Variants in PRKAG2 observed in about 807,000 individuals in gnomAD.
PRKAG2 encodes 5'-AMP-activated protein kinase subunit gamma-2.
A neutral mutation model predicts 69.6 loss-of-function variants in PRKAG2; 26 were observed. The ratio of observed to expected loss-of-function variants is 0.37; its 90% CI spans 0.27 to 0.52. The LOEUF is 0.52. Among genes scored for constraint, PRKAG2 ranks in the 20% least tolerant of loss-of-function variants. The pLI, the probability that PRKAG2 is intolerant of heterozygous loss-of-function variation, is 0.90. For synonymous variants in PRKAG2, 293 were observed against 285.0 expected (o/e 1.03, Z -0.28); for missense variants, 557 against 740.0 (o/e 0.75, Z 2.87).
chr7:151,739,522 T>C (rs1461159531), intron 3 of PRKAG2, among the ~76,000 whole-genome samples: 2 of 151,998 alleles, frequency 1.3e-5, no homozygotes, highest in Non-Finnish European at 2.9e-5. Context: ...CAGGCTGGAG[T>C]GCAATGGCAC....
chr7:151,613,116 G>A (rs903300001), intron 5 of PRKAG2, among the ~76,000 whole-genome samples: 2 of 152,170 alleles, frequency 1.3e-5, no homozygotes, highest in Admixed American at 6.5e-5. Flanking sequence ...AGCTACCTGC[G>A]GCACTCTAAG....
chr7:151,566,253 A>G (rs868469796), intron 11 of PRKAG2, among the ~76,000 whole-genome samples: 3 of 152,320 alleles, frequency 2.0e-5, no homozygotes, highest in African/African-American at 7.2e-5. Context: ...TGTTCATGTT[A>G]AATTCCTGGT....
intron 4 of PRKAG2, among the ~76,000 whole-genome samples, chr7:151,642,661 C>T (rs1272998828): frequency 6.6e-6 from 1 of 152,240 alleles, no homozygotes; most frequent in African/African-American, 2.4e-5. Context: ...CCCTAACATT[C>T]ATGATTTCTT....
intron 3 of PRKAG2, chr7:151,734,247 C>G (rs1563551973): frequency 6.6e-6 from 1 of 152,192 alleles, no homozygotes; most frequent in East Asian, 1.9e-4. Flanking sequence ...TTTAGATTTA[C>G]CTTTTTCTTT....
At position 151,863,057 on chromosome 7, in the gene PRKAG2, C is replaced by T. The variant is rs117552417; in HGVS notation, c.114+13450G>A. On this transcript the variant is annotated intron_variant, in intron 1 of 15. Transcript: ENST00000287878. ...CTTGTAGGTCCTGGGGTGCAGGGGGCGCTGGTAGATCCCTGGGTGCAGGGG... is the reference window on the plus strand; with the variant it reads ...CTTGTAGGTCCTGGGGTGCAGGGGGTGCTGGTAGATCCCTGGGTGCAGGGG... Among the ~76,000 whole-genome samples the T allele has an allele frequency of 5.6e-5, 8 of 143,356 alleles. No individual in the cohort carries two copies. The South Asian group carries it at 9.1e-4, about 16-fold the overall frequency. 94.0% of individuals were successfully genotyped at this position (143,356 alleles called of 152,430 possible).
chr7:151,822,250 G>A (rs897464945), intron 1 of PRKAG2, among the ~76,000 whole-genome samples: 1 of 152,032 alleles, frequency 6.6e-6, no homozygotes, highest in Non-Finnish European at 1.5e-5. Context: ...GCCCTAGGAG[G>A]CCTCGAGCCC....
chr7:151,705,166 C>T (rs1237836267), intron 3 of PRKAG2, among the ~76,000 whole-genome samples: 1 of 152,146 alleles, frequency 6.6e-6, no homozygotes, highest in Admixed American at 6.6e-5. Flanking sequence ...TGAACAGAGG[C>T]CTGGTGTCTG....
intron 3 of PRKAG2, among the ~76,000 whole-genome samples, chr7:151,702,896 G>A (rs1837961050): frequency 1.3e-5 from 2 of 152,168 alleles, no homozygotes; most frequent in South Asian, 4.1e-4. Context: ...AGAAGCTGGG[G>A]GTGATACCTC....
At chr7:151,678,254 C>T (rs1327603317) in intron 3 of PRKAG2, among the ~76,000 whole-genome samples, 1 of 152,250 alleles carries the variant, frequency 6.6e-6, no homozygotes, top group East Asian at 1.9e-4. Flanking sequence ...CCTCTCCCCA[C>T]CAAGATCTAC....
At chr7:151,600,161 T>G (rs912968562) in intron 5 of PRKAG2, among the ~76,000 whole-genome samples, 1 of 152,180 alleles carries the variant, frequency 6.6e-6, no homozygotes, top group African/African-American at 2.4e-5. Context: ...CCGCCACAAC[T>G]GCTTTCCCCG....
chr7:151,858,328 G>A (rs2079836148), intron 1 of PRKAG2, among the ~76,000 whole-genome samples: 1 of 152,160 alleles, frequency 6.6e-6, no homozygotes, highest in African/African-American at 2.4e-5. Context: ...GCCCATTGAA[G>A]AGCCCAATCT....
rs755598442 is a variant in PRKAG2 at position 151,583,505 on chromosome 7, C to G, written c.865-7053G>C. Among the ~76,000 whole-genome samples the G allele has an allele frequency of 2.0e-5, 3 of 152,138 alleles. No homozygotes were observed. Among genetic ancestry groups the G allele is most frequent in the African/African-American group, 7.2e-5 (3 of 41,402 alleles). ...GCCGACCTTCTTTGCAATAACGAGG[C>G]CTTCTAAAACTTGGCTTTCTTAAGA... On this transcript the variant is annotated intron_variant, in intron 6 of 15. Coordinates refer to ENST00000287878, the MANE Select transcript of PRKAG2 (RefSeq NM_016203.4). This position sits in a 1 kb window ranked among gnomAD's most constrained non-coding sequence, Gnocchi z 4.1.
Position 151,567,427 on chromosome 7 carries a change from A to G in PRKAG2, c.1233+1289T>C, listed in dbSNP as rs1236309228. On this transcript the variant is annotated intron_variant, in intron 11 of 15. Coordinates refer to ENST00000287878, the MANE Select transcript of PRKAG2 (RefSeq NM_016203.4). The surrounding 1 kb of genome is among the most constrained non-coding windows in gnomAD (Gnocchi z 4.2). ...CTTAGAACAGTGCCGGACATACAGTAATCAGCTCTCATGATTAATATTATT... is the reference window on the plus strand; with the variant it reads ...CTTAGAACAGTGCCGGACATACAGTGATCAGCTCTCATGATTAATATTATT... Among the ~76,000 whole-genome samples the G allele has an allele frequency of 6.6e-6, 1 of 152,168 alleles. No homozygotes were observed. The highest frequency in any genetic ancestry group is 2.4e-5 in the African/African-American group (1 of 41,436).
At chr7:151,568,141 A>G (rs574946933) in intron 11 of PRKAG2, among the ~76,000 whole-genome samples, 2 of 152,338 alleles carry the variant, frequency 1.3e-5, no homozygotes, top group African/African-American at 4.8e-5. Flanking sequence ...AAACAGGCTC[A>G]AAGTTCTGGA....
chr7:151,684,299 G>GC (rs922863979), intron 3 of PRKAG2, among the ~76,000 whole-genome samples: 4 of 152,096 alleles, frequency 2.6e-5, no homozygotes, highest in African/African-American at 4.8e-5. Context: ...CTTGTTTCCT[G>GC]CCCCCAACGA....
intron 1 of PRKAG2, chr7:151,806,931 A>G: frequency 2.2e-6 from 1 of 449,946 alleles, no homozygotes; most frequent in Non-Finnish European, 4.4e-6. Context: ...GCACCATTGC[A>G]CTCCAGCCTG....
chr7:151,563,120 G>C (rs1159848385), intron 14 of PRKAG2, among the ~76,000 whole-genome samples: 1 of 152,122 alleles, frequency 6.6e-6, no homozygotes, highest in Admixed American at 6.6e-5. Flanking sequence ...TATGTCCTTT[G>C]TTGGAGGTAC....
At chr7:151,617,117 C>T (rs1290050633) in intron 5 of PRKAG2, among the ~76,000 whole-genome samples, 1 of 151,764 alleles carries the variant, frequency 6.6e-6, no homozygotes, top group Non-Finnish European at 1.5e-5. Context: ...CAAAATTAGC[C>T]GGGCTTGGTG....
intron 3 of PRKAG2, among the ~76,000 whole-genome samples, chr7:151,761,966 C>T (rs1398468442): frequency 6.6e-6 from 1 of 152,246 alleles, no homozygotes; most frequent in Non-Finnish European, 1.5e-5. Context: ...CCCTAGCCGA[C>T]TTCTCCCATT....
Sources: allele counts gnomAD v4.1 joint callset (sites outside exome capture counted in the v4.1 genomes callset), GRCh38; gene constraint gnomAD v4.1.1; non-coding constraint Gnocchi (gnomAD v3.1); transcripts MANE v1.5; gene names NCBI Gene and HGNC (gene_info 2026-07-23, HGNC 2026-07-21).